NELL1: variants seen among roughly 807,000 people sequenced by gnomAD.
NELL1 encodes neural EGFL like 1, also known as protein kinase C-binding protein NELL1.
NELL1 carries 76 observed loss-of-function variants against 107.4 expected under a neutral mutation model. The ratio of observed to expected loss-of-function variants is 0.71; its 90% CI spans 0.59 to 0.86. NELL1 has a LOEUF of 0.86. Ranked by LOEUF, NELL1 falls within the 40% of genes least tolerant of loss-of-function variation. The pLI is 0.00. For missense variants in NELL1, 1,024 were observed against 1,005.5 expected, an observed-to-expected ratio of 1.02 and a Z score of -0.25; for synonymous variants, 353 against 341.2, an observed-to-expected ratio of 1.03 and a Z score of -0.38.
chr11:21,086,115 G>A lies in NELL1; in HGVS notation c.1301-27474G>A, dbSNP rs76256559. ...AGGAAACTCTGTAAATTCCACGTAT[G>A]ACAGGTACCTTGCCCTCATCCCTTG... On this transcript the variant is annotated intron_variant, in intron 12 of 19. Coordinates refer to ENST00000357134, the MANE Select transcript of NELL1 (RefSeq NM_006157.5). Among the ~76,000 whole-genome samples, 1,293 of 152,334 alleles carry A rather than the reference G, an allele frequency of 8.5e-3. 14 individuals are homozygous for A. The highest frequency in any genetic ancestry group is 0.029 in the African/African-American group (1,202 of 41,576).
At chr11:21,530,317 T>C (rs889583706) in intron 15 of NELL1, among the ~76,000 whole-genome samples, 1 of 152,136 alleles carries the variant, frequency 6.6e-6, no homozygotes, top group Non-Finnish European at 1.5e-5. Flanking sequence ...TTTTATAAAT[T>C]GTCAAATTGC....
At chr11:21,532,056 A>T (rs756372567) in intron 15 of NELL1, among the ~76,000 whole-genome samples, 12 of 152,212 alleles carry the variant, frequency 7.9e-5, no homozygotes, top group African/African-American at 2.9e-4. Context: ...CCTTGCACAG[A>T]GAACAGAAAT....
intron 15 of NELL1, among the ~76,000 whole-genome samples, chr11:21,497,546 G>A (rs918985303): frequency 2.6e-5 from 4 of 151,702 alleles, no homozygotes; most frequent in South Asian, 2.1e-4. Context: ...ATTTAATTGC[G>A]TTAGTTAATG....
At chr11:21,541,708 A>G (rs1210742431) in intron 16 of NELL1, among the ~76,000 whole-genome samples, 1 of 152,142 alleles carries the variant, frequency 6.6e-6, no homozygotes, top group African/African-American at 2.4e-5. Context: ...CTAGCTGAGC[A>G]GCATTTAGAA....
chr11:21,218,185 C>T (rs893273308), intron 13 of NELL1, among the ~76,000 whole-genome samples: 1 of 152,024 alleles, frequency 6.6e-6, no homozygotes, highest in African/African-American at 2.4e-5. Context: ...AATCCATAGT[C>T]TTATTTCCTG....
chr11:20,758,817 T>G (rs1278633310), intron 2 of NELL1, among the ~76,000 whole-genome samples: 2 of 152,188 alleles, frequency 1.3e-5, no homozygotes. Flanking sequence ...TTGCCAGATG[T>G]CCCCTGGGGG....
Position 20,669,659 on chromosome 11 carries a change from G to A in NELL1, c.-65G>A. 2 of 1,428,340 alleles carry A rather than the reference G, an allele frequency of 1.4e-6. No individual in the cohort carries two copies. Among genetic ancestry groups the A allele is most frequent in the Non-Finnish European group, 2.0e-6 (2 of 1,013,732 alleles). 88.5% of individuals were successfully genotyped at this position (1,428,340 alleles called of 1,614,324 possible). A position where few individuals can be genotyped will look rare whatever the true frequency, so the allele number is the denominator to read the frequency against. On this transcript the variant is annotated 5_prime_UTR_variant, in exon 1 of 20. Transcript: ENST00000357134. The surrounding 1 kb of genome is among the most constrained non-coding windows in gnomAD (Gnocchi z 4.4). Reference sequence around the variant, plus strand: ...CGGCTCCAAGCCAGGCGCGCCTCAGGATCCAGGCTCATTTGCTTCCACCTA... The same window carrying A: ...CGGCTCCAAGCCAGGCGCGCCTCAGAATCCAGGCTCATTTGCTTCCACCTA...
At chr11:20,939,328 T>C (rs1228315234) in intron 10 of NELL1, among the ~76,000 whole-genome samples, 1 of 151,526 alleles carries the variant, frequency 6.6e-6, no homozygotes, top group Non-Finnish European at 1.5e-5. Context: ...GAAATGATAT[T>C]GGGGGACTCA....
intron 15 of NELL1, among the ~76,000 whole-genome samples, chr11:21,382,230 G>A (rs930267461): frequency 6.6e-6 from 1 of 151,836 alleles, no homozygotes; most frequent in Non-Finnish European, 1.5e-5. Context: ...CATGTAAAAT[G>A]GGAGTAATCA....
intron 2 of NELL1, among the ~76,000 whole-genome samples, chr11:20,696,358 C>G (rs1272547407): frequency 6.6e-6 from 1 of 151,794 alleles, no homozygotes; most frequent in Non-Finnish European, 1.5e-5. Flanking sequence ...GTGAAAAACA[C>G]TAGGTTTGGG....
At chr11:21,365,223 G>T (rs1565189318) in intron 14 of NELL1, among the ~76,000 whole-genome samples, 1 of 152,144 alleles carries the variant, frequency 6.6e-6, no homozygotes. Context: ...TCTTGGGGAT[G>T]GGGACAATTT....
At position 21,496,427 on chromosome 11, in the gene NELL1, T is replaced by C. The variant is rs566955641; in HGVS notation, c.1646-37947T>C. On this transcript the variant is annotated intron_variant, in intron 15 of 19. Transcript: ENST00000357134. ...TCTCTTGTTTTTTTTTTTTTTTTTC[T>C]TGAGAGGAGTCTCACTCTGTCACCC... Among the ~76,000 whole-genome samples, 408 of 146,620 alleles carry C rather than the reference T, an allele frequency of 2.8e-3. 1 individual carries two copies. Among genetic ancestry groups the C allele is most frequent in the African/African-American group, 9.7e-3 (382 of 39,256 alleles).
At chr11:20,830,661 G>C (rs1215535523) in intron 3 of NELL1, among the ~76,000 whole-genome samples, 1 of 151,950 alleles carries the variant, frequency 6.6e-6, no homozygotes, top group South Asian at 2.1e-4. Context: ...GTAGACTCTT[G>C]GTGTAATAAA....
intron 14 of NELL1, among the ~76,000 whole-genome samples, chr11:21,266,256 T>C (rs1254959319): frequency 1.3e-5 from 2 of 152,078 alleles, no homozygotes; most frequent in East Asian, 3.9e-4. Flanking sequence ...ATTTGTTTCA[T>C]AGTATTTTTT....
intron 12 of NELL1, among the ~76,000 whole-genome samples, chr11:20,997,225 T>C (rs4923239): frequency 0.15 from 22,281 of 152,190 alleles, 2,566 homozygotes; most frequent in East Asian, 0.58. Context: ...AGGTGGTGAG[T>C]GCTTTGGATT....
intron 15 of NELL1, among the ~76,000 whole-genome samples, chr11:21,510,262 T>C (rs911455450): frequency 2.0e-5 from 3 of 152,228 alleles, no homozygotes; most frequent in Non-Finnish European, 2.9e-5. Context: ...AGGCAGAGAA[T>C]AGTGGCTGTA....
intron 12 of NELL1, among the ~76,000 whole-genome samples, chr11:21,008,020 G>A (rs1852366500): frequency 6.6e-6 from 1 of 152,044 alleles, no homozygotes; most frequent in Non-Finnish European, 1.5e-5. Context: ...ATTTAATTCA[G>A]ACTCCTCAAT....
intron 2 of NELL1, among the ~76,000 whole-genome samples, chr11:20,719,957 A>C (rs1855341239): frequency 6.6e-6 from 1 of 152,174 alleles, no homozygotes; most frequent in African/African-American, 2.4e-5. Flanking sequence ...GTACTACCTT[A>C]ATTTGTTCAG....
chr11:21,541,032 T>C (rs1023036701), intron 16 of NELL1, among the ~76,000 whole-genome samples: 4 of 152,160 alleles, frequency 2.6e-5, no homozygotes, highest in East Asian at 1.9e-4. Context: ...TAGACTTGTG[T>C]TCTTAATTAC....
Sources: allele counts gnomAD v4.1 joint callset (sites outside exome capture counted in the v4.1 genomes callset), GRCh38; gene constraint gnomAD v4.1.1; non-coding constraint Gnocchi (gnomAD v3.1); transcripts MANE v1.5; gene names NCBI Gene and HGNC (gene_info 2026-07-23, HGNC 2026-07-21).